The following CTNND2 variants were observed in gnomAD, a reference collection of about 807,000 sequenced individuals.
CTNND2 encodes the protein catenin delta-2.
In CTNND2, 22 loss-of-function variants were observed where a neutral mutation model predicts 144.4. That is an observed-to-expected ratio of 0.15 (90% CI 0.11 to 0.22). The LOEUF (loss-of-function observed/expected upper bound fraction) is 0.22. Among genes scored for constraint, CTNND2 ranks in the 10% least tolerant of loss-of-function variants. The probability of loss-of-function intolerance (pLI) is 1.00; values close to 1 mark genes in which losing one functional copy is unlikely to be tolerated. For synonymous variants in CTNND2, 751 were observed against 695.6 expected (o/e 1.08, Z -1.25); for missense variants, 1,353 against 1,618.8 (o/e 0.84, Z 2.82).
At chr5:11,560,763 C>T (rs1298114839) in intron 3 of CTNND2, among the ~76,000 whole-genome samples, 1 of 152,138 alleles carries the variant, frequency 6.6e-6, no homozygotes, top group Non-Finnish European at 1.5e-5. Context: ...GGTAACCATG[C>T]TAAAGAGGGA....
intron 1 of CTNND2, among the ~76,000 whole-genome samples, chr5:11,894,357 T>C (rs1313441291): frequency 6.6e-6 from 1 of 152,198 alleles, no homozygotes; most frequent in East Asian, 1.9e-4. Flanking sequence ...ACTTACAATA[T>C]TTGAAGTGGT....
At chr5:11,538,878 T>C (rs887810890) in intron 3 of CTNND2, among the ~76,000 whole-genome samples, 3 of 152,188 alleles carry the variant, frequency 2.0e-5, no homozygotes, top group Non-Finnish European at 4.4e-5. Flanking sequence ...TCCAGAACAC[T>C]AGTAAGATTT....
intron 9 of CTNND2, among the ~76,000 whole-genome samples, chr5:11,262,846 T>C (rs962872679): frequency 2.6e-5 from 4 of 151,274 alleles, no homozygotes; most frequent in Non-Finnish European, 5.9e-5. Flanking sequence ...ACATTTTCCA[T>C]TCACAGGCTG....
At chr5:11,088,849 A>C (rs1414817245) in intron 15 of CTNND2, among the ~76,000 whole-genome samples, 1 of 152,118 alleles carries the variant, frequency 6.6e-6, no homozygotes, top group Non-Finnish European at 1.5e-5. Context: ...ACAGAATCTT[A>C]TTTTTCTTGG....
chr5:11,116,248 C>T (rs1378389790), intron 13 of CTNND2, among the ~76,000 whole-genome samples: 2 of 152,190 alleles, frequency 1.3e-5, no homozygotes, highest in East Asian at 3.9e-4. Flanking sequence ...GCCAATTTTG[C>T]TCCCTGCAGG....
chr5:11,084,040 C>T, intron 15 of CTNND2: 1 of 777,810 alleles, frequency 1.3e-6, no homozygotes, highest in Non-Finnish European at 1.6e-6. Context: ...TCACCATCAA[C>T]CCACACTGTA....
chr5:11,596,451 T>C (rs969844789), intron 2 of CTNND2, among the ~76,000 whole-genome samples: 4 of 152,214 alleles, frequency 2.6e-5, no homozygotes, highest in Admixed American at 1.3e-4. Flanking sequence ...AAAAGGCACA[T>C]GACTAAGCAT....
At chr5:11,229,766 T>A (rs1046129880) in intron 10 of CTNND2, among the ~76,000 whole-genome samples, 1 of 151,670 alleles carries the variant, frequency 6.6e-6, no homozygotes, top group Non-Finnish European at 1.5e-5. Context: ...ACTGTATAAC[T>A]GCTTTCATGT....
At chr5:11,270,025 CA>C (rs1745834672) in intron 9 of CTNND2, among the ~76,000 whole-genome samples, 1 of 152,092 alleles carries the variant, frequency 6.6e-6, no homozygotes, top group South Asian at 2.1e-4. Context: ...TGTATTTCAC[CA>C]ATTCTTAACT....
intron 1 of CTNND2, among the ~76,000 whole-genome samples, chr5:11,754,120 C>T (rs887985720): frequency 6.6e-6 from 1 of 151,388 alleles, no homozygotes; most frequent in African/African-American, 2.4e-5. Flanking sequence ...TTTCAAATAA[C>T]TACCTCCAAG....
chr5:11,807,062 A>C (rs138052493), intron 1 of CTNND2, among the ~76,000 whole-genome samples: 1 of 152,278 alleles, frequency 6.6e-6, no homozygotes, highest in Non-Finnish European at 1.5e-5. Flanking sequence ...ACATGAGATC[A>C]ATGCTTATAT....
chr5:11,450,599 A>G (rs577056223), intron 3 of CTNND2, among the ~76,000 whole-genome samples: 1 of 152,240 alleles, frequency 6.6e-6, no homozygotes, highest in African/African-American at 2.4e-5. Flanking sequence ...ACTGATTTCA[A>G]TCTTAAAAAT....
chr5:11,626,447 C>A (rs1423061260), intron 2 of CTNND2, among the ~76,000 whole-genome samples: 1 of 152,194 alleles, frequency 6.6e-6, no homozygotes, highest in Non-Finnish European at 1.5e-5. Context: ...CATTGAGATT[C>A]TATGAAACAC....
At chr5:11,834,563 A>G (rs1260946754) in intron 1 of CTNND2, among the ~76,000 whole-genome samples, 1 of 152,222 alleles carries the variant, frequency 6.6e-6, no homozygotes, top group East Asian at 1.9e-4. Context: ...TATTTGTCAA[A>G]TTAAAAAAAT....
chr5:11,770,415 AGAAG>A (rs1206057309), intron 1 of CTNND2, among the ~76,000 whole-genome samples: 116 of 10,018 alleles, frequency 0.012, no homozygotes, highest in Non-Finnish European at 0.12. Flanking sequence ...AAAAAAGGAA[AGAAG>A]GAAGGAAGGA....
intron 7 of CTNND2, among the ~76,000 whole-genome samples, chr5:11,368,661 T>G (rs992535051): frequency 1.3e-5 from 2 of 152,210 alleles, no homozygotes; most frequent in African/African-American, 4.8e-5. Flanking sequence ...TTCAATAGTT[T>G]GAGGTAAACA....
At chr5:11,802,662 C>T (rs1276648817) in intron 1 of CTNND2, among the ~76,000 whole-genome samples, 1 of 152,066 alleles carries the variant, frequency 6.6e-6, no homozygotes, top group East Asian at 1.9e-4. Flanking sequence ...TTTACCAGGT[C>T]ATATATAATA....
chr5:11,218,400 T>C (rs1053411939), intron 10 of CTNND2, among the ~76,000 whole-genome samples: 1 of 152,170 alleles, frequency 6.6e-6, no homozygotes, highest in Admixed American at 6.5e-5. Context: ...CCAGTAAAGT[T>C]GCATATCAGA....
chr5:11,769,823 T>C (rs1456068267), intron 1 of CTNND2, among the ~76,000 whole-genome samples: 5 of 152,242 alleles, frequency 3.3e-5, no homozygotes, highest in Admixed American at 3.3e-4. Context: ...TTCATAAATA[T>C]GTATAATTTT....
Sources: gnomAD v4.1 joint callset for allele counts (sites outside exome capture counted in the v4.1 genomes callset) on GRCh38, gnomAD v4.1.1 for gene constraint, MANE v1.5 for transcripts, NCBI Gene and HGNC (gene_info 2026-07-23, HGNC 2026-07-21) for gene names.